SESN1: variants seen among roughly 807,000 people sequenced by gnomAD.
SESN1 encodes the protein sestrin-1.
Under a neutral mutation model 59.3 loss-of-function variants are expected in SESN1, and 30 were observed. The ratio of observed to expected loss-of-function variants is 0.51; its 90% CI spans 0.38 to 0.69. The LOEUF (loss-of-function observed/expected upper bound fraction) is 0.69. Ranked by LOEUF, SESN1 falls within the 30% of genes least tolerant of loss-of-function variation. The pLI, the probability that SESN1 is intolerant of heterozygous loss-of-function variation, is 0.00. For synonymous variants in SESN1, 197 were observed against 219.9 expected, an observed-to-expected ratio of 0.90 and a Z score of 0.92; for missense variants, 566 against 673.0, an observed-to-expected ratio of 0.84 and a Z score of 1.76.
intron 1 of SESN1, among the ~76,000 whole-genome samples, chr6:109,014,106 C>G (rs1779899439): frequency 6.6e-6 from 1 of 151,704 alleles, no homozygotes; most frequent in South Asian, 2.1e-4. Context: ...TTAGAGTTTC[C>G]TCTTTTAGAA....
At chr6:109,092,621 T>G (rs759842419) in intron 1 of SESN1, among the ~76,000 whole-genome samples, 1 of 152,174 alleles carries the variant, frequency 6.6e-6, no homozygotes, top group South Asian at 2.1e-4. Flanking sequence ...CCTCCACCCT[T>G]TGCTGCACAA....
chr6:109,010,739 G>C (rs1041317531), intron 1 of SESN1, among the ~76,000 whole-genome samples: 1 of 152,188 alleles, frequency 6.6e-6, no homozygotes, highest in Non-Finnish European at 1.5e-5. Context: ...GTCAAAAGAA[G>C]CAATATTGAG....
At chr6:109,079,427 A>G (rs1332351120) in intron 1 of SESN1, among the ~76,000 whole-genome samples, 2 of 152,184 alleles carry the variant, frequency 1.3e-5, no homozygotes, top group Non-Finnish European at 2.9e-5. Flanking sequence ...ATGTTATAAC[A>G]GATTTTTAGC....
At chr6:109,009,851 G>A (rs971838294) in intron 1 of SESN1, among the ~76,000 whole-genome samples, 3 of 152,168 alleles carry the variant, frequency 2.0e-5, no homozygotes, top group African/African-American at 7.2e-5. Flanking sequence ...AGGGACAGGG[G>A]AATCTGCCCC....
chr6:109,020,183 T>A (rs1487858755), intron 1 of SESN1, among the ~76,000 whole-genome samples: 2 of 152,138 alleles, frequency 1.3e-5, no homozygotes, highest in Non-Finnish European at 2.9e-5. Flanking sequence ...AAGCTTCTTC[T>A]TTTTTTCTTT....
intron 7 of SESN1, among the ~76,000 whole-genome samples, chr6:108,992,260 G>A (rs969124622): frequency 1.3e-5 from 2 of 151,950 alleles, no homozygotes; most frequent in Non-Finnish European, 2.9e-5. Flanking sequence ...CACCACACCT[G>A]GCTAATTTTA....
At chr6:109,033,219 G>A (rs1198936595) in intron 1 of SESN1, among the ~76,000 whole-genome samples, 1 of 152,174 alleles carries the variant, frequency 6.6e-6, no homozygotes, top group Non-Finnish European at 1.5e-5. Flanking sequence ...TAAAGAGAGT[G>A]CAGTGGTCTG....
chr6:109,022,049 A>ATTT lies in SESN1; in HGVS notation c.280-19709_280-19707dup, dbSNP rs544552358. 1.8e-4 allele frequency among the ~76,000 whole-genome samples: 27 copies of ATTT among 147,462 alleles called. No individual in the cohort carries two copies. The South Asian group carries it at 3.2e-3, about 17-fold the overall frequency. On this transcript the variant is annotated intron_variant, in intron 1 of 9. Transcript: ENST00000436639. ...ATTAAGCACCTACTATGTGCCAGGC[A>ATTT]TTTTTTTTTTTCCTTCCCAGTATAT...
At chr6:108,987,806 C>CTCTT (rs1779240240) in intron 9 of SESN1, among the ~76,000 whole-genome samples, 176 bp from the exon 10 acceptor site, 1 of 135,588 alleles carries the variant, frequency 7.4e-6, no homozygotes, top group Non-Finnish European at 1.6e-5. Flanking sequence ...CAGCAGCTAT[C>CTCTT]TTTTTTTTTT....
At chr6:109,032,430 A>G (rs969240811) in intron 1 of SESN1, among the ~76,000 whole-genome samples, 13 of 152,140 alleles carry the variant, frequency 8.5e-5, no homozygotes, top group Admixed American at 8.5e-4. Flanking sequence ...CAGCCTGGCC[A>G]ACATAGTGAA....
intron 1 of SESN1, among the ~76,000 whole-genome samples, chr6:109,071,822 G>A (rs1780941116): frequency 6.6e-6 from 1 of 152,120 alleles, no homozygotes; most frequent in African/African-American, 2.4e-5. Flanking sequence ...AAACTCCCCA[G>A]TTTCAATCAC....
rs529746721 is a variant in SESN1, at chr6:109,018,054, T to C, written c.280-15711A>G. 3.9e-5 allele frequency among the ~76,000 whole-genome samples: 6 copies of C among 152,274 alleles called. No homozygotes were observed. In the South Asian group the frequency reaches 1.2e-3, roughly 32 times the overall value. On this transcript the variant is annotated intron_variant, in intron 1 of 9. Coordinates refer to ENST00000436639, the MANE Select transcript of SESN1 (RefSeq NM_014454.3). ...AAATAGCAAAAATATAATTCCTGAT[T>C]TTATCCAGAGTTCTATGCTTTCAGC...
rs1183843244 is a variant in SESN1, at chr6:109,094,416, G to A, written c.-343C>T. 6.9e-6 allele frequency: 2 copies of A among 288,616 alleles called. No individual in the cohort carries two copies. Among genetic ancestry groups the A allele is most frequent in the East Asian group, 8.1e-5 (1 of 12,274 alleles). The allele number at this position is 288,616 out of a possible 1,614,324, so 17.9% of individuals were successfully genotyped here. A position where few individuals can be genotyped will look rare whatever the true frequency, so the allele number is the denominator to read the frequency against. On this transcript the variant is annotated 5_prime_UTR_variant, in exon 1 of 10. Coordinates refer to ENST00000436639, the MANE Select transcript of SESN1 (RefSeq NM_014454.3). ...GTGGATATCCTCACGTTGTGGAGCT[G>A]TCAAATCCGTGCTCTGCCCCAAAAG...
At chr6:109,044,355 A>C (rs1780390258) in intron 1 of SESN1, among the ~76,000 whole-genome samples, 2 of 146,786 alleles carry the variant, frequency 1.4e-5, no homozygotes, top group African/African-American at 2.5e-5. Context: ...AAAAAGGAGT[A>C]CAGGCAATTC....
rs1779148735 is a variant in SESN1, at chr6:108,985,108, G to A, written c.*2436C>T. ...TATGCTAGTAACATTTCTGATTCAT[G>A]TATGATATTCACATATATGAATATG... On this transcript the variant is annotated 3_prime_UTR_variant, in exon 10 of 10. Coordinates refer to ENST00000436639, the MANE Select transcript of SESN1 (RefSeq NM_014454.3). Among the ~76,000 whole-genome samples, 1 of 152,048 alleles carries A rather than the reference G, an allele frequency of 6.6e-6. No individual in the cohort carries two copies. The highest frequency in any genetic ancestry group is 2.4e-5 in the African/African-American group (1 of 41,374).
At chr6:108,994,386 TAA>T (rs1779456239) in intron 6 of SESN1, 74 bp downstream of exon 6, 2 of 1,262,186 alleles carry the variant, frequency 1.6e-6, no homozygotes, top group Admixed American at 2.0e-5. Flanking sequence ...ATTGATGCTT[TAA>T]AAGTTATTTA....
chr6:109,060,272 A>G (rs925423260), intron 1 of SESN1, among the ~76,000 whole-genome samples: 1 of 152,194 alleles, frequency 6.6e-6, no homozygotes, highest in African/African-American at 2.4e-5. Flanking sequence ...GAATTTTTAG[A>G]TAAGTATTTT....
At chr6:109,078,636 G>A (rs2114473274) in intron 1 of SESN1, among the ~76,000 whole-genome samples, 1 of 152,228 alleles carries the variant, frequency 6.6e-6, no homozygotes, top group East Asian at 1.9e-4. Flanking sequence ...CACATTTTTA[G>A]CCAGTCTTAA....
At chr6:108,998,416 A>T in intron 5 of SESN1, 97 bp downstream of exon 5, 1 of 1,459,838 alleles carries the variant, frequency 6.9e-7, no homozygotes, top group Non-Finnish European at 9.4e-7. Context: ...CCACAGTCTT[A>T]ACAGGGTGGG....
Sources: allele counts gnomAD v4.1 joint callset (sites outside exome capture counted in the v4.1 genomes callset), GRCh38; gene constraint gnomAD v4.1.1; transcripts MANE v1.5; gene names NCBI Gene and HGNC (gene_info 2026-07-23, HGNC 2026-07-21).